The following FERMT1 variants were observed in gnomAD, a reference collection of about 807,000 sequenced individuals.
FERMT1 encodes the protein fermitin family homolog 1.
A neutral mutation model predicts 85.3 loss-of-function variants in FERMT1; 60 were observed. That is an observed-to-expected ratio of 0.70 (90% CI 0.57 to 0.87). The LOEUF (loss-of-function observed/expected upper bound fraction) is 0.87. Among genes scored for constraint, FERMT1 ranks in the 40% least tolerant of loss-of-function variants. The probability of loss-of-function intolerance (pLI) is 0.00; values close to 1 mark genes in which losing one functional copy is unlikely to be tolerated. For synonymous variants in FERMT1, 275 were observed against 301.1 expected (o/e 0.91, Z 0.90); for missense variants, 701 against 818.9 (o/e 0.86, Z 1.76).
In FERMT1 at chr20:6,110,507, A is replaced by G; in HGVS notation, c.537T>C (p.Ser179=). ...TCATGGTTTTACTGTATAAACCAGG[A>G]CTTACTGCAAGGCAGGGGGATCAAG... ...SSPTASGSSV[S]PGLYSKTMTP... Residue 179 remains serine (S), a synonymous_variant, in exon 5 of 15, where the codon AGT becomes AGC. Coordinates refer to ENST00000217289, the MANE Select transcript of FERMT1 (RefSeq NM_017671.5). The G allele has an allele frequency of 1.2e-5, 19 of 1,613,340 alleles. No individual in the cohort carries two copies. The highest frequency in any genetic ancestry group is 1.5e-5 in the Non-Finnish European group (18 of 1,179,264).
chr20:6,077,310 A>G lies in FERMT1; in HGVS notation c.1897T>C (p.Phe633Leu). Reference sequence around the variant, plus strand: ...TTGCAATCTGCACTCAGGCAGGTGAAAGCAGTAAAGACGTTTTGGTCAAAC... The same window carrying G: ...TTGCAATCTGCACTCAGGCAGGTGAGAGCAGTAAAGACGTTTTGGTCAAAC... The part of the protein sequence containing the change: ...IEFDQNVFTA[F>L]TCLSADCKIV... Residue 633 changes from phenylalanine to leucine, a missense_variant, in exon 15 of 15, where the codon TTC becomes CTC. Coordinates refer to ENST00000217289, the MANE Select transcript of FERMT1 (RefSeq NM_017671.5). 1 of 1,614,212 alleles carries G rather than the reference A, an allele frequency of 6.2e-7. No homozygotes were observed. The highest frequency in any genetic ancestry group is 8.5e-7 in the Non-Finnish European group (1 of 1,180,034).
At chr20:6,094,857 GAT>G (rs1263569512) in intron 9 of FERMT1, 80 bp downstream of exon 9, 7 of 839,160 alleles carry the variant, frequency 8.3e-6, no homozygotes, top group Non-Finnish European at 1.3e-5. Flanking sequence ...CTGCCTCAGG[GAT>G]ATATAATTTA....
At position 6,107,554 on chromosome 20, in the gene FERMT1, G is replaced by T; in HGVS notation, c.827C>A (p.Ser276Tyr). ...EQLLLRFKYY[S>Y]FFDLNPKYDA... ...TACTTTAGGATTCAAGTCGAAGAAA[G>T]AATAATATTTAAATCGTAAGAGCAG... The change falls in exon 6 of 15, where the codon TCT becomes TAT. Residue 276 changes from serine to tyrosine, a missense_variant. Physicochemically the swap from Ser to Tyr is moderately radical, Grantham distance 144 (BLOSUM62 -2). Transcript: ENST00000217289. 6.2e-7 allele frequency: 1 copy of T among 1,611,168 alleles called. No homozygotes were observed. The highest frequency in any genetic ancestry group is 1.1e-5 in the South Asian group (1 of 90,948).
At chr20:6,108,563 A>G (rs566606680) in intron 5 of FERMT1, among the ~76,000 whole-genome samples, 17 of 152,166 alleles carry the variant, frequency 1.1e-4, no homozygotes, top group African/African-American at 4.1e-4. Context: ...TAATTCCAGC[A>G]CCTTGGGAGG....
chr20:6,087,345 C>T (rs1281501630), intron 11 of FERMT1, among the ~76,000 whole-genome samples: 1 of 152,206 alleles, frequency 6.6e-6, no homozygotes, highest in Non-Finnish European at 1.5e-5. Flanking sequence ...GAGTCTTGCT[C>T]TGTCACCCAG....
intron 6 of FERMT1, among the ~76,000 whole-genome samples, chr20:6,103,805 A>ATTTTTTTTTTT (rs973410434): frequency 1.0e-5 from 1 of 98,868 alleles, no homozygotes. Flanking sequence ...TACAATTTTC[A>ATTTTTTTTTTT]TTTTTTATTA....
At chr20:6,090,313 T>C (rs1982319575) in intron 9 of FERMT1, among the ~76,000 whole-genome samples, 1 of 152,160 alleles carries the variant, frequency 6.6e-6, no homozygotes, top group Non-Finnish European at 1.5e-5. Flanking sequence ...GACCTTGTGA[T>C]CTGCCCGCCT....
intron 9 of FERMT1, chr20:6,094,031 C>T (rs556348237): frequency 6.6e-6 from 1 of 152,242 alleles, no homozygotes; most frequent in South Asian, 2.1e-4. Context: ...GTAAGAAATC[C>T]CCAAAACCAT....
chr20:6,122,174 T>C lies in FERMT1; in HGVS notation c.-19+600A>G, dbSNP rs1983293945. On this transcript the variant is annotated intron_variant, in intron 1 of 14. Coordinates refer to ENST00000217289, the MANE Select transcript of FERMT1 (RefSeq NM_017671.5). Reference sequence around the variant, plus strand: ...ATTCCCCTTACAACAAAATGCAGGCTAAAATTAGCCAAGCTGGTTTTCCTG... The same window carrying C: ...ATTCCCCTTACAACAAAATGCAGGCCAAAATTAGCCAAGCTGGTTTTCCTG... Among the ~76,000 whole-genome samples the C allele has an allele frequency of 3.3e-5, 5 of 152,338 alleles. 1 individual carries two copies. The South Asian group carries it at 1.0e-3, about 32-fold the overall frequency.
chr20:6,082,552 C>T (rs976914045), intron 13 of FERMT1, among the ~76,000 whole-genome samples: 3 of 152,226 alleles, frequency 2.0e-5, no homozygotes, highest in Non-Finnish European at 4.4e-5. Context: ...TTCCTCACTC[C>T]TTTGTTGGGG....
At chr20:6,114,203 C>T (rs1360392882) in intron 3 of FERMT1, among the ~76,000 whole-genome samples, 1 of 152,156 alleles carries the variant, frequency 6.6e-6, no homozygotes, top group Non-Finnish European at 1.5e-5. Context: ...ATAATTTATA[C>T]ACAAACTCGG....
chr20:6,089,161 G>A, intron 9 of FERMT1, 72 bp from the exon 10 acceptor site: 1 of 1,432,432 alleles, frequency 7.0e-7, no homozygotes, highest in Non-Finnish European at 9.8e-7. Flanking sequence ...ATTTCAAGCA[G>A]ATCAGATCAG....
intron 6 of FERMT1, among the ~76,000 whole-genome samples, chr20:6,101,867 G>T (rs1161349604): frequency 6.6e-6 from 1 of 152,030 alleles, no homozygotes; most frequent in Non-Finnish European, 1.5e-5. Context: ...TGCTGCCAAG[G>T]CTGGTCTCAA....
At chr20:6,090,261 G>T (rs1203474381) in intron 9 of FERMT1, among the ~76,000 whole-genome samples, 3 of 151,998 alleles carry the variant, frequency 2.0e-5, no homozygotes, top group Middle Eastern at 3.2e-3. Context: ...TTTTAGTAGA[G>T]ATGGGGTTTC....
chr20:6,105,246 G>A (rs547147986), intron 6 of FERMT1, among the ~76,000 whole-genome samples: 10 of 152,342 alleles, frequency 6.6e-5, no homozygotes, highest in Middle Eastern at 3.4e-3. Context: ...GTGACCGAGA[G>A]TAGAGAAAAG....
At chr20:6,086,544 C>T (rs1345509431) in intron 11 of FERMT1, among the ~76,000 whole-genome samples, 6 of 152,214 alleles carry the variant, frequency 3.9e-5, no homozygotes, top group Non-Finnish European at 7.3e-5. Flanking sequence ...CCTCAATCTT[C>T]ACTGCCCCTG....
Position 6,109,687 on chromosome 20 carries a change from G to GTT in FERMT1, c.746+610_746+611insAA, listed in dbSNP as rs1027745342. On this transcript the variant is annotated intron_variant, in intron 5 of 14. Coordinates refer to ENST00000217289, the MANE Select transcript of FERMT1 (RefSeq NM_017671.5). Reference sequence around the variant, plus strand: ...GGCCAAGGTGGGCAGATTACCTGAGGTCAGGAGTTCGAGACCAGCCTGACC... The same window carrying GTT: ...GGCCAAGGTGGGCAGATTACCTGAGGTTTCAGGAGTTCGAGACCAGCCTGACC... 7.6e-4 allele frequency among the ~76,000 whole-genome samples: 116 copies of GTT among 152,148 alleles called. 1 individual carries two copies. Among genetic ancestry groups the GTT allele is most frequent in the African/African-American group, 2.8e-3 (115 of 41,512 alleles).
intron 14 of FERMT1, among the ~76,000 whole-genome samples, chr20:6,078,443 T>G (rs1285578783): frequency 6.6e-6 from 1 of 152,170 alleles, no homozygotes; most frequent in Non-Finnish European, 1.5e-5. Context: ...GAGGGAAGAT[T>G]GAGTCTGTAT....
rs983327418 is a variant in FERMT1 at position 6,094,395 on chromosome 20, C to T, written c.1139+544G>A. Among the ~76,000 whole-genome samples, 10 of 152,316 alleles carry T rather than the reference C, an allele frequency of 6.6e-5. No individual in the cohort carries two copies. The East Asian group carries it at 1.7e-3, about 26-fold the overall frequency. Reference sequence around the variant, plus strand: ...AACCTGAGGTGATGGAGGAGTTTATCAGAAGTACTTAAACAGGTAGATAAA... The same window carrying T: ...AACCTGAGGTGATGGAGGAGTTTATTAGAAGTACTTAAACAGGTAGATAAA... On this transcript the variant is annotated intron_variant, in intron 9 of 14. Coordinates refer to ENST00000217289, the MANE Select transcript of FERMT1 (RefSeq NM_017671.5).
Sources: allele counts gnomAD v4.1 joint callset (sites outside exome capture counted in the v4.1 genomes callset), GRCh38; gene constraint gnomAD v4.1.1; transcripts MANE v1.5; gene names NCBI Gene and HGNC (gene_info 2026-07-23, HGNC 2026-07-21).